PRKG1: variants seen among roughly 807,000 people sequenced by gnomAD.
PRKG1 encodes cGMP-dependent protein kinase 1.
In PRKG1, 35 loss-of-function variants were observed where a neutral mutation model predicts 88.1. That is an observed-to-expected ratio of 0.40 (90% CI 0.30 to 0.53). PRKG1 has a LOEUF of 0.53. Among genes scored for constraint, PRKG1 ranks in the 20% least tolerant of loss-of-function variants. PRKG1 has a pLI of 0.59. For missense variants in PRKG1, 540 were observed against 839.8 expected (o/e 0.64, Z 4.41); for synonymous variants, 303 against 292.5 (o/e 1.04, Z -0.37).
At chr10:51,259,833 GC>G (rs202131002) in intron 2 of PRKG1, among the ~76,000 whole-genome samples, 2 of 152,132 alleles carry the variant, frequency 1.3e-5, no homozygotes, top group African/African-American at 4.8e-5. Context: ...TTATAGCCAG[GC>G]CCCATATGGA....
chr10:51,064,198 TG>T lies in PRKG1; in HGVS notation c.266+72555del, dbSNP rs1302781285. On this transcript the variant is annotated intron_variant, in intron 1 of 17. Coordinates refer to the PRKG1 transcript ENST00000401604. ...GAGCTTTATTAATTTTAATTACATA[TG>T]TTTTTCCTCTTGGGAAATGGTGCTT... 2.0e-5 allele frequency among the ~76,000 whole-genome samples: 3 copies of T among 152,114 alleles called. No homozygotes were observed. The East Asian group carries it at 5.8e-4, about 29-fold the overall frequency.
chr10:52,199,555 C>G (rs1018297867), intron 9 of PRKG1, among the ~76,000 whole-genome samples: 1 of 152,150 alleles, frequency 6.6e-6, no homozygotes, highest in African/African-American at 2.4e-5. Context: ...TAACTATTAT[C>G]TGCAGAGATC....
chr10:52,011,191 T>A (rs2133169883), intron 5 of PRKG1, among the ~76,000 whole-genome samples: 1 of 152,310 alleles, frequency 6.6e-6, no homozygotes, highest in Middle Eastern at 3.4e-3. Context: ...ACACAGAACT[T>A]TTTTCCCTTT....
chr10:51,157,593 G>C (rs763665918), intron 2 of PRKG1, among the ~76,000 whole-genome samples: 10 of 151,678 alleles, frequency 6.6e-5, no homozygotes, highest in Non-Finnish European at 1.3e-4. Flanking sequence ...TATTTGGGGT[G>C]AATTTTACCT....
intron 2 of PRKG1, among the ~76,000 whole-genome samples, chr10:51,276,151 T>G (rs1021452093): frequency 6.6e-6 from 1 of 152,026 alleles, no homozygotes; most frequent in Non-Finnish European, 1.5e-5. Flanking sequence ...TGTGTGATGT[T>G]CCCCTTCCTG....
At chr10:52,265,555 C>T (rs975007796) in intron 10 of PRKG1, among the ~76,000 whole-genome samples, 1 of 152,048 alleles carries the variant, frequency 6.6e-6, no homozygotes, top group Admixed American at 6.6e-5. Context: ...CAGTTTTAAC[C>T]TTGCCTTGAT....
chr10:51,852,213 G>GTATATATATATATATATA (rs10650535), intron 4 of PRKG1, among the ~76,000 whole-genome samples: 3 of 143,296 alleles, frequency 2.1e-5, no homozygotes, highest in African/African-American at 7.9e-5. Flanking sequence ...TTTTATATGT[G>GTATATATATATATATATA]TATATATATA....
At chr10:51,732,337 G>A (rs190385724) in intron 3 of PRKG1, among the ~76,000 whole-genome samples, 25 of 152,278 alleles carry the variant, frequency 1.6e-4, no homozygotes, top group African/African-American at 5.8e-4. Flanking sequence ...TACAGTCACA[G>A]TGTGAGGTAT....
At chr10:52,038,603 A>T (rs1204741575) in intron 5 of PRKG1, among the ~76,000 whole-genome samples, 1 of 152,016 alleles carries the variant, frequency 6.6e-6, no homozygotes, top group African/African-American at 2.4e-5. Flanking sequence ...AAAAGCAGAG[A>T]AGGGGTAGAG....
intron 2 of PRKG1, among the ~76,000 whole-genome samples, chr10:51,362,009 G>C (rs1221137511): frequency 6.6e-6 from 1 of 151,838 alleles, no homozygotes; most frequent in Non-Finnish European, 1.5e-5. Context: ...TCTATAGCAA[G>C]AGTAAGTTAT....
At chr10:51,195,607 G>A (rs1261195769) in intron 2 of PRKG1, among the ~76,000 whole-genome samples, 4 of 151,900 alleles carry the variant, frequency 2.6e-5, no homozygotes, top group East Asian at 1.9e-4. Flanking sequence ...GATAAGTTAG[G>A]GCTCAGATAA....
At chr10:52,202,257 A>T (rs1839696709) in intron 9 of PRKG1, among the ~76,000 whole-genome samples, 2 of 152,076 alleles carry the variant, frequency 1.3e-5, no homozygotes, top group South Asian at 4.1e-4. Context: ...ACATGAAGGG[A>T]TATTGAATTT....
intron 3 of PRKG1, among the ~76,000 whole-genome samples, chr10:51,688,092 A>G (rs375195399): frequency 1.3e-4 from 20 of 152,298 alleles, no homozygotes; most frequent in African/African-American, 4.6e-4. Flanking sequence ...TCTATTTGTC[A>G]TAATATTAAT....
intron 4 of PRKG1, among the ~76,000 whole-genome samples, chr10:51,852,223 ATAT>A (rs1275936865): frequency 6.7e-6 from 1 of 149,696 alleles, no homozygotes; most frequent in Non-Finnish European, 1.5e-5. Flanking sequence ...GTATATATAT[ATAT>A]ATACACACAC....
chr10:52,010,296 G>A (rs1903987), intron 5 of PRKG1, among the ~76,000 whole-genome samples: 67,731 of 151,944 alleles, frequency 0.45, 15,418 homozygotes, highest in East Asian at 0.65. Context: ...CTAATTTCCA[G>A]AATCTGTAAG....
At chr10:51,746,508 G>T (rs368226452) in intron 3 of PRKG1, among the ~76,000 whole-genome samples, 1 of 151,978 alleles carries the variant, frequency 6.6e-6, no homozygotes, top group East Asian at 1.9e-4. Flanking sequence ...GATTGCTTTA[G>T]GTCAGGAGTT....
At chr10:52,029,636 C>T (rs866554502) in intron 5 of PRKG1, among the ~76,000 whole-genome samples, 17 of 152,172 alleles carry the variant, frequency 1.1e-4, no homozygotes, top group African/African-American at 3.4e-4. Flanking sequence ...CACGGCTGAA[C>T]ACTGGGATCA....
chr10:52,209,592 T>C (rs966016928), intron 9 of PRKG1, among the ~76,000 whole-genome samples: 2 of 152,180 alleles, frequency 1.3e-5, no homozygotes, highest in Admixed American at 6.5e-5. Context: ...TCACAAAAAA[T>C]ATTATGCTCT....
chr10:52,015,493 G>A (rs899598117), intron 5 of PRKG1, among the ~76,000 whole-genome samples: 1 of 152,204 alleles, frequency 6.6e-6, no homozygotes, highest in Non-Finnish European at 1.5e-5. Context: ...GATGGCAGGG[G>A]CTGCTGCAAA....
Sources: gnomAD v4.1 joint callset for allele counts (sites outside exome capture counted in the v4.1 genomes callset) on GRCh38, gnomAD v4.1.1 for gene constraint, MANE v1.5 for transcripts, NCBI Gene and HGNC (gene_info 2026-07-23, HGNC 2026-07-21) for gene names.